The following ERC2 variants were observed in gnomAD, a reference collection of about 807,000 sequenced individuals.
ERC2 encodes ERC protein 2.
Under a neutral mutation model 114.8 loss-of-function variants are expected in ERC2, and 42 were observed. The observed-to-expected ratio is 0.37, with a 90% CI of 0.29 to 0.47. The LOEUF is 0.47. Among genes scored for constraint, ERC2 ranks in the 20% least tolerant of loss-of-function variants. The pLI, the probability that ERC2 is intolerant of heterozygous loss-of-function variation, is 0.99. For missense variants in ERC2, 939 were observed against 1,150.7 expected (o/e 0.82, Z 2.66); for synonymous variants, 454 against 425.5 (o/e 1.07, Z -0.82).
chr3:56,245,403 T>C (rs781390570), intron 3 of ERC2, among the ~76,000 whole-genome samples: 21 of 152,026 alleles, frequency 1.4e-4, no homozygotes, highest in Non-Finnish European at 2.8e-4. Flanking sequence ...CAGCAGGCAA[T>C]GTGCTCCTTG....
intron 6 of ERC2, among the ~76,000 whole-genome samples, chr3:56,099,066 C>T (rs1344022542): frequency 3.5e-4 from 53 of 151,984 alleles, no homozygotes; most frequent in Admixed American, 3.5e-3. Context: ...CTGGGTAAGC[C>T]CTAAATCCAA....
chr3:55,661,005 C>G (rs1057420425), intron 17 of ERC2, among the ~76,000 whole-genome samples: 5 of 152,280 alleles, frequency 3.3e-5, no homozygotes, highest in Non-Finnish European at 4.4e-5. Context: ...GGGCCCTTAC[C>G]CTGCTCCAGT....
intron 13 of ERC2, among the ~76,000 whole-genome samples, chr3:55,939,362 C>T (rs2066639907): frequency 6.6e-6 from 1 of 152,214 alleles, no homozygotes; most frequent in Non-Finnish European, 1.5e-5. Context: ...AATGCTAATA[C>T]TTTGCAATGT....
chr3:56,167,391 T>C (rs1368526076), intron 4 of ERC2, among the ~76,000 whole-genome samples: 1 of 152,144 alleles, frequency 6.6e-6, no homozygotes, highest in Admixed American at 6.6e-5. Context: ...GCAGGAATTA[T>C]TGACTGGCAA....
At chr3:55,553,551 C>T (rs980570757) in intron 17 of ERC2, among the ~76,000 whole-genome samples, 7 of 151,854 alleles carry the variant, frequency 4.6e-5, no homozygotes, top group Admixed American at 2.6e-4. Context: ...GAGGCCGAGG[C>T]GGGCAGATCA....
At chr3:55,696,310 A>G (rs1336480986) in intron 16 of ERC2, among the ~76,000 whole-genome samples, 1 of 152,210 alleles carries the variant, frequency 6.6e-6, no homozygotes, top group Non-Finnish European at 1.5e-5. Context: ...GGCAATATCA[A>G]CATTTTGTAG....
At chr3:56,358,297 T>G (rs970980725) in intron 2 of ERC2, among the ~76,000 whole-genome samples, 1 of 152,316 alleles carries the variant, frequency 6.6e-6, no homozygotes, top group Non-Finnish European at 1.5e-5. Context: ...CTCTTATATA[T>G]TTTATTTTTA....
At chr3:55,746,963 T>C (rs1432176941) in intron 14 of ERC2, among the ~76,000 whole-genome samples, 1 of 152,250 alleles carries the variant, frequency 6.6e-6, no homozygotes, top group East Asian at 1.9e-4. Context: ...TGTAAATGTC[T>C]AAATTACTTT....
Position 56,367,487 on chromosome 3 carries a change from A to G in ERC2, c.657+66864T>C, listed in dbSNP as rs555112249. Among the ~76,000 whole-genome samples the G allele has an allele frequency of 2.6e-4, 40 of 152,090 alleles. No individual in the cohort carries two copies. In the South Asian group the frequency reaches 7.9e-3, roughly 30 times the overall value. Reference sequence around the variant, plus strand: ...ACCTCTCTCAACTCTTCTCTTTGTCAAAACTCCCTTCCTTTTCCCAACAAC... The same window carrying G: ...ACCTCTCTCAACTCTTCTCTTTGTCGAAACTCCCTTCCTTTTCCCAACAAC... On this transcript the variant is annotated intron_variant, in intron 2 of 17. Transcript: ENST00000288221.
At chr3:55,756,325 CT>C (rs1447012088) in intron 14 of ERC2, among the ~76,000 whole-genome samples, 1 of 152,074 alleles carries the variant, frequency 6.6e-6, no homozygotes, top group Non-Finnish European at 1.5e-5. Context: ...TACCAGGAAA[CT>C]TTTTGATGCT....
intron 13 of ERC2, among the ~76,000 whole-genome samples, chr3:55,890,743 G>A (rs1392379690): frequency 6.6e-6 from 1 of 152,192 alleles, no homozygotes; most frequent in Non-Finnish European, 1.5e-5. Flanking sequence ...AGTATCAGAT[G>A]AGACGAAACT....
intron 17 of ERC2, among the ~76,000 whole-genome samples, chr3:55,618,905 T>C (rs1225087219): frequency 1.3e-5 from 2 of 152,190 alleles, no homozygotes; most frequent in African/African-American, 4.8e-5. Flanking sequence ...CTATCCTTTC[T>C]CGAGGAGGCA....
intron 7 of ERC2, among the ~76,000 whole-genome samples, chr3:56,071,767 A>C: frequency 6.6e-6 from 1 of 152,214 alleles, no homozygotes; most frequent in East Asian, 1.9e-4. Flanking sequence ...AAGAAAAGCA[A>C]TGTATACAAA....
chr3:55,998,229 T>G (rs2071752723), intron 10 of ERC2, among the ~76,000 whole-genome samples: 1 of 151,790 alleles, frequency 6.6e-6, no homozygotes, highest in Non-Finnish European at 1.5e-5. Context: ...TATTCTTATG[T>G]CTCTCTCTCT....
At chr3:55,675,482 G>C (rs144786030) in intron 17 of ERC2, among the ~76,000 whole-genome samples, 1,727 of 152,254 alleles carry the variant, frequency 0.011, 24 homozygotes, top group Non-Finnish European at 0.013. Context: ...TAGCCATTCT[G>C]ATTGATACAC....
At chr3:56,199,505 CCA>C (rs1276874396) in intron 3 of ERC2, among the ~76,000 whole-genome samples, 2 of 151,770 alleles carry the variant, frequency 1.3e-5, no homozygotes, top group Admixed American at 6.6e-5. Flanking sequence ...ACATGATACA[CCA>C]CACACATTTT....
intron 14 of ERC2, among the ~76,000 whole-genome samples, chr3:55,750,435 C>T (rs967219065): frequency 1.3e-5 from 2 of 152,112 alleles, no homozygotes; most frequent in Non-Finnish European, 2.9e-5. Flanking sequence ...AAAAGGAGAA[C>T]TGGAATTTGT....
chr3:55,797,802 C>CA (rs2149091844), intron 14 of ERC2, among the ~76,000 whole-genome samples: 1 of 151,970 alleles, frequency 6.6e-6, no homozygotes, highest in African/African-American at 2.4e-5. Context: ...GCTCTTTCTA[C>CA]AAAAAGGATT....
At chr3:56,416,319 C>T (rs2061152606) in intron 2 of ERC2, among the ~76,000 whole-genome samples, 1 of 152,102 alleles carries the variant, frequency 6.6e-6, no homozygotes, top group Non-Finnish European at 1.5e-5. Flanking sequence ...GATCTGTCTC[C>T]CTACTCTTCC....
Sources: allele counts gnomAD v4.1 joint callset (sites outside exome capture counted in the v4.1 genomes callset), GRCh38; gene constraint gnomAD v4.1.1; transcripts MANE v1.5; gene names NCBI Gene and HGNC (gene_info 2026-07-23, HGNC 2026-07-21).